LGR5: variants seen among roughly 807,000 people sequenced by gnomAD.
LGR5 encodes leucine-rich repeat-containing G protein-coupled receptor 5.
In LGR5, 54 loss-of-function variants were observed where a neutral mutation model predicts 76.7. The observed-to-expected ratio is 0.70, with a 90% CI of 0.57 to 0.88. The LOEUF is 0.88. LGR5 is among the 40% of genes least tolerant of loss of function. The pLI, the probability that LGR5 is intolerant of heterozygous loss-of-function variation, is 0.00. For missense variants in LGR5, 1,078 were observed against 1,073.3 expected, an observed-to-expected ratio of 1.00 and a Z score of -0.06; for synonymous variants, 406 against 421.9, an observed-to-expected ratio of 0.96 and a Z score of 0.46.
At chr12:71,454,269 G>A (rs1485140027) in intron 1 of LGR5, among the ~76,000 whole-genome samples, 2 of 152,102 alleles carry the variant, frequency 1.3e-5, no homozygotes, top group African/African-American at 4.8e-5. Context: ...TGGAATTCCC[G>A]AGTGCCTACT....
intron 4 of LGR5, 122 bp downstream of exon 4, chr12:71,535,308 G>A: frequency 1.5e-6 from 1 of 675,510 alleles, no homozygotes; most frequent in Non-Finnish European, 2.6e-6. Context: ...TATTGTGAAT[G>A]AGAGCCCATT....
intron 1 of LGR5, among the ~76,000 whole-genome samples, chr12:71,446,623 C>T (rs1447351203): frequency 1.3e-5 from 2 of 152,182 alleles, no homozygotes; most frequent in African/African-American, 4.8e-5. Context: ...CAGTTTACAG[C>T]AACCCAAGAA....
chr12:71,534,258 A>C (rs1406960564), intron 3 of LGR5, among the ~76,000 whole-genome samples: 2 of 152,222 alleles, frequency 1.3e-5, no homozygotes, highest in Admixed American at 6.5e-5. Context: ...ATTTGTTTCC[A>C]TGCTATTTCC....
At chr12:71,533,099 C>T (rs1876407283) in intron 3 of LGR5, among the ~76,000 whole-genome samples, 1 of 152,094 alleles carries the variant, frequency 6.6e-6, no homozygotes, top group African/African-American at 2.4e-5. Flanking sequence ...AATCCCAGAA[C>T]TTTGGGAGGT....
At chr12:71,486,550 A>C (rs1415308420) in intron 1 of LGR5, among the ~76,000 whole-genome samples, 1 of 152,206 alleles carries the variant, frequency 6.6e-6, no homozygotes, top group Non-Finnish European at 1.5e-5. Context: ...ATCTGGATTT[A>C]TTTGTTAATA....
At chr12:71,477,290 C>T (rs548533507) in intron 1 of LGR5, among the ~76,000 whole-genome samples, 2 of 151,994 alleles carry the variant, frequency 1.3e-5, no homozygotes, top group South Asian at 2.1e-4. Context: ...GACAGTGACC[C>T]CTGAGACTCC....
chr12:71,462,299 G>A (rs1446595951), intron 1 of LGR5, among the ~76,000 whole-genome samples: 3 of 152,032 alleles, frequency 2.0e-5, no homozygotes, highest in African/African-American at 7.2e-5. Flanking sequence ...TGTCAACTAG[G>A]CCTCTGAATG....
intron 1 of LGR5, among the ~76,000 whole-genome samples, chr12:71,454,428 C>A (rs1324440606): frequency 6.6e-6 from 1 of 152,060 alleles, no homozygotes; most frequent in Non-Finnish European, 1.5e-5. Flanking sequence ...TAAATAATCA[C>A]CAAACCAAGG....
chr12:71,558,379 A>G (rs1423798090), intron 6 of LGR5, among the ~76,000 whole-genome samples: 1 of 152,156 alleles, frequency 6.6e-6, no homozygotes, highest in Non-Finnish European at 1.5e-5. Flanking sequence ...GTCAGGGAAA[A>G]GTTCATGTGA....
rs144415515 is a variant in LGR5, at chr12:71,487,192, T to C, written c.213-17422T>C. ...TACATTTGTACATTACCAGGTTGAATGGTTATGGTTTAAATTAGAATAGGA... is the reference window on the plus strand; with the variant it reads ...TACATTTGTACATTACCAGGTTGAACGGTTATGGTTTAAATTAGAATAGGA... On this transcript the variant is annotated intron_variant, in intron 1 of 17. Transcript: ENST00000266674. Among the ~76,000 whole-genome samples, 231 of 152,338 alleles carry C rather than the reference T, an allele frequency of 1.5e-3. 2 individuals carry two copies. Among genetic ancestry groups the C allele is most frequent in the African/African-American group, 5.4e-3 (225 of 41,572 alleles).
chr12:71,444,756 T>C (rs1472102168), intron 1 of LGR5, among the ~76,000 whole-genome samples: 3 of 152,208 alleles, frequency 2.0e-5, no homozygotes, highest in African/African-American at 7.2e-5. Context: ...AACTGGTCTA[T>C]GATTTCTGAG....
At chr12:71,575,722 ATGTG>A (rs140264650) in intron 13 of LGR5, among the ~76,000 whole-genome samples, 7,260 of 144,710 alleles carry the variant, frequency 0.05, 233 homozygotes, top group South Asian at 0.079. Flanking sequence ...AAAAATATAT[ATGTG>A]TGTGTGTGTG....
intron 1 of LGR5, among the ~76,000 whole-genome samples, chr12:71,452,314 A>G (rs138136701): frequency 1.2e-4 from 19 of 152,204 alleles, no homozygotes; most frequent in African/African-American, 4.3e-4. Context: ...CCCTGTGTCC[A>G]TGCATGTCTG....
At chr12:71,560,935 A>T (rs1878026371) in intron 7 of LGR5, among the ~76,000 whole-genome samples, 1 of 152,218 alleles carries the variant, frequency 6.6e-6, no homozygotes. Flanking sequence ...ACTTTCAGCC[A>T]TTGGTTTGCA....
rs536016954 is a variant in LGR5, at chr12:71,535,719, A to G, written c.428+533A>G. ...TCCTGAAGCTTCCCCATCACAGAAC[A>G]CAGATGTGCAGACATGGCCATAAAC... is the stretch of plus-strand genomic sequence containing the variant. On this transcript the variant is annotated intron_variant, in intron 4 of 17. Transcript: ENST00000266674. 7.9e-5 allele frequency among the ~76,000 whole-genome samples: 12 copies of G among 152,232 alleles called. 1 individual carries two copies. The highest frequency in any genetic ancestry group is 2.9e-4 in the African/African-American group (12 of 41,546).
intron 4 of LGR5, among the ~76,000 whole-genome samples, chr12:71,552,212 T>G (rs909492260): frequency 1.3e-5 from 2 of 152,016 alleles, no homozygotes; most frequent in East Asian, 3.9e-4. Flanking sequence ...GTAACAAACC[T>G]GCATGTTCTG....
chr12:71,518,840 G>A (rs1425916213), intron 2 of LGR5, among the ~76,000 whole-genome samples: 2 of 152,080 alleles, frequency 1.3e-5, no homozygotes, highest in African/African-American at 4.8e-5. Flanking sequence ...GCCTATCAGA[G>A]GATGGGAGGA....
chr12:71,523,476 C>G (rs1428987577), intron 2 of LGR5, among the ~76,000 whole-genome samples: 1 of 151,624 alleles, frequency 6.6e-6, no homozygotes, highest in African/African-American at 2.4e-5. Flanking sequence ...TAAACCATCT[C>G]TAAAAAAGAA....
intron 2 of LGR5, among the ~76,000 whole-genome samples, chr12:71,512,631 C>T (rs1462098970): frequency 2.0e-5 from 3 of 152,240 alleles, no homozygotes; most frequent in Non-Finnish European, 1.5e-5. Flanking sequence ...GTCAGGGACT[C>T]ATCAGTTGGT....
Sources: gnomAD v4.1 joint callset for allele counts (sites outside exome capture counted in the v4.1 genomes callset) on GRCh38, gnomAD v4.1.1 for gene constraint, MANE v1.5 for transcripts, NCBI Gene and HGNC (gene_info 2026-07-23, HGNC 2026-07-21) for gene names.